TSGA10: variants seen among roughly 807,000 people sequenced by gnomAD.
The protein encoded by TSGA10 is testis specific 10.
In TSGA10, 43 loss-of-function variants were observed where a neutral mutation model predicts 96.6. The ratio of observed to expected loss-of-function variants is 0.44; its 90% CI spans 0.35 to 0.57. The LOEUF is 0.57. Among genes scored for constraint, TSGA10 ranks in the 20% least tolerant of loss-of-function variants. The pLI is 0.01. For missense variants in TSGA10, 703 were observed against 834.4 expected, an observed-to-expected ratio of 0.84 and a Z score of 1.94; for synonymous variants, 229 against 269.9, an observed-to-expected ratio of 0.85 and a Z score of 1.48.
At chr2:99,104,878 A>G (rs2091175349) in intron 9 of TSGA10, among the ~76,000 whole-genome samples, 1 of 152,248 alleles carries the variant, frequency 6.6e-6, no homozygotes, top group Admixed American at 6.5e-5. Flanking sequence ...TTATGTTTAT[A>G]TAGTGACAAT....
intron 10 of TSGA10, among the ~76,000 whole-genome samples, chr2:99,093,248 T>C (rs1460371304): frequency 6.6e-6 from 1 of 152,092 alleles, no homozygotes; most frequent in African/African-American, 2.4e-5. Context: ...AAAAGGGACA[T>C]ACCTTAATGT....
chr2:99,144,925 C>T (rs143895615), intron 1 of TSGA10, among the ~76,000 whole-genome samples: 2 of 152,258 alleles, frequency 1.3e-5, no homozygotes, highest in East Asian at 3.9e-4. Flanking sequence ...GGCAAAGAGA[C>T]AGGAGAGAGT....
chr2:99,017,677 A>AT (rs1365443511), intron 20 of TSGA10, among the ~76,000 whole-genome samples: 1 of 151,062 alleles, frequency 6.6e-6, no homozygotes, highest in African/African-American at 2.4e-5. Flanking sequence ...AGGCAGGAGA[A>AT]TGGCGTGAAC....
In TSGA10 at chr2:99,109,569, G is replaced by C. The variant is rs2091636165; in HGVS notation, c.-73-57C>G. 4.4e-6 allele frequency: 6 copies of C among 1,370,516 alleles called. No homozygotes were observed. In the South Asian group the frequency reaches 1.2e-4, roughly 27 times the overall value. The allele number at this position is 1,370,516 out of a possible 1,614,324, so 84.9% of individuals were successfully genotyped here. A position where few individuals can be genotyped will look rare whatever the true frequency, so the allele number is the denominator to read the frequency against. The stretch of plus-strand genomic sequence containing the variant: ...TATCTAAAATTATCTTGCCAAAGAG[G>C]AAAAAATTAGACCATTATTTCAAGC... On this transcript the variant is annotated intron_variant, in intron 5 of 20. Transcript: ENST00000393483.
chr2:99,002,091 A>G (rs1226131034), intron 20 of TSGA10, among the ~76,000 whole-genome samples: 1 of 152,216 alleles, frequency 6.6e-6, no homozygotes, highest in Non-Finnish European at 1.5e-5. Flanking sequence ...AACTTCCCCA[A>G]TCTAGCAAGG....
At chr2:99,079,181 C>T (rs2087120786) in intron 11 of TSGA10, among the ~76,000 whole-genome samples, 1 of 152,158 alleles carries the variant, frequency 6.6e-6, no homozygotes, top group Admixed American at 6.5e-5. Context: ...TTCCCCTCCC[C>T]TCCCTCTAGC....
chr2:99,139,003 T>A (rs906456168), intron 1 of TSGA10, among the ~76,000 whole-genome samples: 1 of 152,176 alleles, frequency 6.6e-6, no homozygotes, highest in African/African-American at 2.4e-5. Context: ...GTAATCCCAA[T>A]AATCCCAACA....
intron 2 of TSGA10, among the ~76,000 whole-genome samples, chr2:99,124,575 C>T (rs2104972139): frequency 6.6e-6 from 1 of 151,984 alleles, no homozygotes; most frequent in Admixed American, 6.6e-5. Context: ...TGAAATAATA[C>T]TGTTACATTA....
intron 16 of TSGA10, among the ~76,000 whole-genome samples, chr2:99,048,390 C>G (rs372845268): frequency 6.6e-6 from 1 of 151,614 alleles, no homozygotes; most frequent in African/African-American, 2.4e-5. Context: ...TACACACACA[C>G]CAATGGAACA....
intron 20 of TSGA10, among the ~76,000 whole-genome samples, chr2:99,005,748 C>T (rs2078409434): frequency 6.6e-6 from 1 of 152,174 alleles, no homozygotes; most frequent in Non-Finnish European, 1.5e-5. Flanking sequence ...ATGCCATCCC[C>T]ATCAAGCTAC....
chr2:99,118,386 G>A (rs1044568029), intron 3 of TSGA10, among the ~76,000 whole-genome samples, 165 bp downstream of exon 3: 1 of 147,762 alleles, frequency 6.8e-6, no homozygotes, highest in African/African-American at 2.5e-5. Context: ...GGGAGGCAGA[G>A]ATTGCACTGA....
At chr2:99,109,349 G>C in intron 6 of TSGA10, 40 bp downstream of exon 6, 1 of 1,595,360 alleles carries the variant, frequency 6.3e-7, no homozygotes, top group Non-Finnish European at 8.6e-7. Flanking sequence ...CAGTGTCTGG[G>C]CAACAAACTC....
At chr2:99,017,625 C>T (rs1254900312) in intron 20 of TSGA10, among the ~76,000 whole-genome samples, 1 of 151,800 alleles carries the variant, frequency 6.6e-6, no homozygotes, top group African/African-American at 2.4e-5. Flanking sequence ...ATTAGCCGGG[C>T]GTAGTGGCGG....
rs139747724 is a variant in TSGA10 at position 99,057,496 on chromosome 2, T to C, written c.1404+7443A>G. On this transcript the variant is annotated intron_variant, in intron 16 of 20. Coordinates refer to ENST00000393483, the MANE Select transcript of TSGA10 (RefSeq NM_025244.4). The stretch of plus-strand genomic sequence containing the variant: ...AATAAAAATAAGAAAACAATTCTAT[T>C]TACAGTTGCATTCAAAATAATAAAA... 8.3e-3 allele frequency among the ~76,000 whole-genome samples: 1,270 copies of C among 152,208 alleles called. 11 individuals carry two copies. Among genetic ancestry groups the C allele is most frequent in the Non-Finnish European group, 0.013 (873 of 67,982 alleles).
chr2:99,004,054 G>C (rs10153844), intron 20 of TSGA10, among the ~76,000 whole-genome samples: 52,945 of 151,516 alleles, frequency 0.35, 10,510 homozygotes, highest in African/African-American at 0.55. Context: ...CCACTAGCAA[G>C]ACTAATAAAG....
intron 2 of TSGA10, among the ~76,000 whole-genome samples, chr2:99,119,472 A>G (rs1370113615): frequency 6.6e-6 from 1 of 152,192 alleles, no homozygotes; most frequent in African/African-American, 2.4e-5. Flanking sequence ...CACCAGACAC[A>G]CTATAAAAAA....
At chr2:99,037,504 C>T (rs2081749608) in intron 16 of TSGA10, among the ~76,000 whole-genome samples, 1 of 152,060 alleles carries the variant, frequency 6.6e-6, no homozygotes, top group African/African-American at 2.4e-5. Context: ...GCAGTACTTA[C>T]AAGAAATTTA....
chr2:99,126,256 T>C (rs907177843), intron 2 of TSGA10: 3 of 152,436 alleles, frequency 2.0e-5, no homozygotes, highest in Admixed American at 6.5e-5. Flanking sequence ...GGTATTTGCT[T>C]GGAGTGGATA....
chr2:99,101,980 A>G, intron 10 of TSGA10: 1 of 949,666 alleles, frequency 1.1e-6, no homozygotes, highest in South Asian at 1.4e-5. Context: ...CTGTTCTTAC[A>G]TTTAACAATA....
Sources: gnomAD v4.1 joint callset for allele counts (sites outside exome capture counted in the v4.1 genomes callset) on GRCh38, gnomAD v4.1.1 for gene constraint, MANE v1.5 for transcripts, NCBI Gene and HGNC (gene_info 2026-07-23, HGNC 2026-07-21) for gene names.